DIPK2B: variants seen among roughly 807,000 people sequenced by gnomAD.
DIPK2B encodes divergent protein kinase domain 2B.
DIPK2B carries 15 observed loss-of-function variants against 22.2 expected under a neutral mutation model. The observed-to-expected ratio is 0.68, with a 90% confidence interval of 0.45 to 1.04. DIPK2B has a LOEUF of 1.04. Ranked by LOEUF, DIPK2B falls within the 50% of genes least tolerant of loss-of-function variation. DIPK2B has a pLI of 0.00. For synonymous variants in DIPK2B, 163 were observed against 153.2 expected, an observed-to-expected ratio of 1.06 and a Z score of -0.47; for missense variants, 345 against 348.3, an observed-to-expected ratio of 0.99 and a Z score of 0.08.
At position 45,157,868 on chromosome X, in the gene DIPK2B, C is replaced by T; in HGVS notation, c.519G>A (p.Leu173=). The T allele has an allele frequency of 8.6e-7, 1 of 1,156,076 alleles. No individual in the cohort carries two copies. The highest frequency in any genetic ancestry group is 1.2e-6 in the Non-Finnish European group (1 of 866,802). ...DLVQGLASPL[L]RCPSQRLLDR... ...CCAGGAGTCGCTGCGAAGGGCAGCG[C>T]AGGAGCGGGCTGGCCAGGCCCTACG... Residue 173 remains leucine, a synonymous_variant, in exon 3 of 5, where the codon CTG becomes CTA. Coordinates refer to ENST00000398000, the MANE Select transcript of DIPK2B (RefSeq NM_176819.4).
At chrX:45,194,769 A>G (rs1056248630) in intron 1 of DIPK2B, among the ~76,000 whole-genome samples, 3 of 112,435 alleles carry the variant, frequency 2.7e-5, no homozygotes, top group African/African-American at 9.7e-5. Context: ...GATAAAATTG[A>G]AAGCAGAATA....
intron 2 of DIPK2B, among the ~76,000 whole-genome samples, chrX:45,167,578 C>G (rs1441467909): frequency 9.5e-6 from 1 of 105,640 alleles, no homozygotes; most frequent in Non-Finnish European, 1.9e-5. Context: ...TTTTCTTTTA[C>G]TAAAGGTCTT....
chrX:45,184,198 C>T (rs2047169263), intron 2 of DIPK2B, among the ~76,000 whole-genome samples: 2 of 111,119 alleles, frequency 1.8e-5, no homozygotes, highest in South Asian at 7.5e-4. Flanking sequence ...TATGGGAGGG[C>T]ATATGTCATG....
chrX:45,175,056 G>T (rs763369186), intron 2 of DIPK2B, among the ~76,000 whole-genome samples: 1 of 111,622 alleles, frequency 9.0e-6, no homozygotes, highest in South Asian at 3.7e-4. Context: ...CTTGGGCAAC[G>T]TATATAAATC....
rs2047215206 is a variant in DIPK2B, at chrX:45,192,165, T to C, written c.234-150A>G. The C allele has an allele frequency of 8.6e-6, 5 of 581,751 alleles. No individual in the cohort carries two copies. In the Admixed American group the frequency reaches 2.0e-4, roughly 23 times the overall value. The allele number at this position is 581,751 out of a possible 1,213,427, so 47.9% of individuals were successfully genotyped here. A position where few individuals can be genotyped will look rare whatever the true frequency, so the allele number is the denominator to read the frequency against. ...AATTCTTTCTGTGAGAGGACTATTT[T>C]TGCTTCTTCAAACTTACGGTAGTGT... On this transcript the variant is annotated intron_variant, in intron 1 of 4. Transcript: ENST00000398000.
At position 45,191,767 on chromosome X, in the gene DIPK2B, G is replaced by T; in HGVS notation, c.482C>A (p.Thr161Lys). ...CACACTCACCTGCACCAGGTCCGGCGTGAGGCGCTTGGCCTGCAGCCATTT... is the reference window on the plus strand; with the variant it reads ...CACACTCACCTGCACCAGGTCCGGCTTGAGGCGCTTGGCCTGCAGCCATTT... Reference protein sequence around the residue: ...FQKWLQAKRLTPDLVQGLASP... With the variant: ...FQKWLQAKRLKPDLVQGLASP... The change falls in exon 2 of 5, where the codon ACG (threonine) becomes AAG (lysine). Residue 161 changes from threonine (T) to lysine (K), a missense_variant. Thr to Lys is a moderately conservative substitution (Grantham distance 78). Coordinates refer to ENST00000398000, the MANE Select transcript of DIPK2B (RefSeq NM_176819.4). The T allele has an allele frequency of 8.3e-7, 1 of 1,211,301 alleles. No individual in the cohort carries two copies. Among genetic ancestry groups the T allele is most frequent in the Non-Finnish European group, 1.1e-6 (1 of 895,453 alleles).
Position 45,151,847 on chromosome X carries a change from A to C in DIPK2B, c.1107T>G (p.Leu369=). ...CTGGGGAGGGGAACCTCCCCTGGAGAAGTCGAGGCAGCAACTTCTGACACA... is the reference window on the plus strand; with the variant it reads ...CTGGGGAGGGGAACCTCCCCTGGAGCAGTCGAGGCAGCAACTTCTGACACA... ...VLVCQKLLPR[L]LQGRFPSPVQ... is the part of the protein sequence containing the mutation. Residue 369 remains leucine (L), a synonymous_variant, in exon 5 of 5, where the codon CTT becomes CTG. Transcript: ENST00000398000. The C allele has an allele frequency of 2.5e-6, 3 of 1,211,279 alleles. No individual in the cohort carries two copies. The highest frequency in any genetic ancestry group is 3.4e-6 in the Non-Finnish European group (3 of 895,150).
At chrX:45,199,696 C>T (rs2047257232) in intron 1 of DIPK2B, among the ~76,000 whole-genome samples, 1 of 111,247 alleles carries the variant, frequency 9.0e-6, no homozygotes, top group Non-Finnish European at 1.9e-5. Flanking sequence ...TCCTGGAGGT[C>T]CTTTACACTG....
intron 1 of DIPK2B, among the ~76,000 whole-genome samples, chrX:45,197,997 TA>T (rs1408092706): frequency 8.9e-6 from 1 of 112,625 alleles, no homozygotes; most frequent in Admixed American, 9.4e-5. Context: ...CTTAAATAGT[TA>T]AATAAATTAT....
At chrX:45,180,489 C>T (rs1006384998) in intron 2 of DIPK2B, among the ~76,000 whole-genome samples, 4 of 111,325 alleles carry the variant, frequency 3.6e-5, no homozygotes, top group Non-Finnish European at 7.6e-5. Flanking sequence ...ATTGGAAGCC[C>T]TAGCCAGTAC....
chrX:45,154,682 G>A (rs145382656), intron 3 of DIPK2B, among the ~76,000 whole-genome samples: 6 of 111,975 alleles, frequency 5.4e-5, no homozygotes, highest in African/African-American at 1.6e-4. Context: ...CAGGGATTCA[G>A]GGAAATATGT....
intron 2 of DIPK2B, chrX:45,163,579 G>T (rs963200480): frequency 1.3e-5 from 10 of 752,685 alleles, no homozygotes; most frequent in Non-Finnish European, 1.6e-5. Flanking sequence ...CCAGCAATCA[G>T]CAGTGTCCTC....
chrX:45,164,120 G>T, intron 2 of DIPK2B: 5 of 1,130,506 alleles, frequency 4.4e-6, no homozygotes, highest in Non-Finnish European at 5.9e-6. Context: ...AATGTGGTTG[G>T]TATAACACAG....
intron 2 of DIPK2B, among the ~76,000 whole-genome samples, chrX:45,187,168 T>C (rs1603114582): frequency 2.7e-5 from 3 of 111,560 alleles, no homozygotes; most frequent in African/African-American, 9.8e-5. Context: ...TCAGATCGGA[T>C]CGTAGTTGAG....
chrX:45,156,940 T>A (rs1324262906), intron 3 of DIPK2B, among the ~76,000 whole-genome samples: 1 of 106,145 alleles, frequency 9.4e-6, no homozygotes, highest in African/African-American at 3.4e-5. Flanking sequence ...TCTCCCGCCT[T>A]CCTTCCTCTT....
chrX:45,188,675 TATCTAATTCCA>T (rs2047195938), intron 2 of DIPK2B, among the ~76,000 whole-genome samples: 1 of 112,408 alleles, frequency 8.9e-6, no homozygotes, highest in Non-Finnish European at 1.9e-5. Flanking sequence ...CCATCACCAC[TATCTAATTCCA>T]GAATCATTTC....
chrX:45,171,958 C>A (rs2047084603), intron 2 of DIPK2B, among the ~76,000 whole-genome samples: 1 of 111,914 alleles, frequency 8.9e-6, no homozygotes, highest in Non-Finnish European at 1.9e-5. Context: ...GGGGTGTGTA[C>A]CCCAACCCAC....
At chrX:45,161,362 CA>C (rs760210128) in intron 2 of DIPK2B, among the ~76,000 whole-genome samples, 1 of 112,084 alleles carries the variant, frequency 8.9e-6, no homozygotes, top group African/African-American at 3.2e-5. Context: ...GGTGACATGG[CA>C]AAAGCCCACC....
At chrX:45,166,426 G>A (rs1025688956) in intron 2 of DIPK2B, among the ~76,000 whole-genome samples, 5 of 111,067 alleles carry the variant, frequency 4.5e-5, no homozygotes, top group Admixed American at 1.9e-4. Flanking sequence ...GAAGGGCAGC[G>A]GGTTAGGATT....
Sources: allele counts gnomAD v4.1 joint callset (sites outside exome capture counted in the v4.1 genomes callset), GRCh38; gene constraint gnomAD v4.1.1; transcripts MANE v1.5; gene names NCBI Gene and HGNC (gene_info 2026-07-23, HGNC 2026-07-21).